The following NCBP3 variants were observed in gnomAD, a reference collection of about 807,000 sequenced individuals.
NCBP3 encodes the protein nuclear cap-binding protein subunit 3.
Under a neutral mutation model 75.7 loss-of-function variants are expected in NCBP3, and 20 were observed. The observed-to-expected ratio is 0.26, with a 90% confidence interval of 0.19 to 0.38. NCBP3 has a LOEUF of 0.38. Ranked by LOEUF, NCBP3 falls within the 10% of genes least tolerant of loss-of-function variation. The probability of loss-of-function intolerance (pLI) is 1.00; values close to 1 mark genes in which losing one functional copy is unlikely to be tolerated. For synonymous variants in NCBP3, 293 were observed against 290.5 expected, an observed-to-expected ratio of 1.01 and a Z score of -0.09; for missense variants, 678 against 796.9, an observed-to-expected ratio of 0.85 and a Z score of 1.80.
chr17:3,836,381 G>A (rs554305045), intron 3 of NCBP3, among the ~76,000 whole-genome samples: 3 of 152,172 alleles, frequency 2.0e-5, no homozygotes, highest in East Asian at 1.9e-4. Context: ...TTGGCCGGGC[G>A]CAGTGGCTCA....
intron 7 of NCBP3, chr17:3,822,638 A>G (rs1349139105): frequency 6.6e-6 from 1 of 152,270 alleles, no homozygotes; most frequent in African/African-American, 2.4e-5. Flanking sequence ...TCAAGTTGAA[A>G]TGTCAGTTAA....
chr17:3,815,708 G>A (rs900527799), intron 11 of NCBP3, among the ~76,000 whole-genome samples: 1 of 152,106 alleles, frequency 6.6e-6, no homozygotes, highest in Non-Finnish European at 1.5e-5. Context: ...CACAGGATAA[G>A]AATTTATACC....
rs560278706 is a variant in NCBP3, at chr17:3,832,491, T to C, written c.356-3123A>G. Among the ~76,000 whole-genome samples, 123 of 118,294 alleles carry C rather than the reference T, an allele frequency of 1.0e-3. 24 individuals carry two copies. Among genetic ancestry groups the C allele is most frequent in the South Asian group, 2.5e-3 (8 of 3,246 alleles). 77.6% of individuals were successfully genotyped at this position (118,294 alleles called of 152,430 possible). On this transcript the variant is annotated intron_variant, in intron 3 of 12. Transcript: ENST00000389005. The stretch of plus-strand genomic sequence containing the variant: ...TAAAAATACAAAACAATTAGCCAGG[T>C]GTGGTGGCAGGCACCTGTAGTCCCA...
intron 3 of NCBP3, among the ~76,000 whole-genome samples, chr17:3,831,898 AG>A (rs1324422625): frequency 4.1e-5 from 5 of 122,294 alleles, no homozygotes; most frequent in African/African-American, 1.2e-4. Flanking sequence ...TAAAAGCTTG[AG>A]GGGGCTGGGC....
At chr17:3,834,471 G>T (rs1389090168) in intron 3 of NCBP3, among the ~76,000 whole-genome samples, 1 of 152,170 alleles carries the variant, frequency 6.6e-6, no homozygotes, top group African/African-American at 2.4e-5. Context: ...GAGTGAACAG[G>T]CTCATCAAAA....
At chr17:3,834,344 T>G (rs2053938497) in intron 3 of NCBP3, among the ~76,000 whole-genome samples, 1 of 152,228 alleles carries the variant, frequency 6.6e-6, no homozygotes, top group Non-Finnish European at 1.5e-5. Context: ...CTGTTGACAA[T>G]GACGGGGTTT....
In NCBP3 at chr17:3,823,074, G is replaced by A. The variant is rs1009036920; in HGVS notation, c.797-1022C>T. ...CACGCCTGTAATCCCAGTACTTTGG[G>A]AGGCTGAGGCGGGCGGATCACAAGG... is the stretch of plus-strand genomic sequence containing the variant. On this transcript the variant is annotated intron_variant, in intron 7 of 12. Coordinates refer to ENST00000389005, the MANE Select transcript of NCBP3 (RefSeq NM_001114118.3). 2.6e-5 allele frequency among the ~76,000 whole-genome samples: 4 copies of A among 152,250 alleles called. No homozygotes were observed. In the East Asian group the frequency reaches 5.8e-4, roughly 22 times the overall value.
intron 11 of NCBP3, 143 bp downstream of exon 11, chr17:3,815,973 C>T: frequency 1.5e-6 from 1 of 658,030 alleles, no homozygotes; most frequent in Non-Finnish European, 2.3e-6. Flanking sequence ...CAATTTCCAA[C>T]ACCTAGCCCA....
At chr17:3,822,124 T>C (rs2053678972) in intron 7 of NCBP3, 72 bp from the exon 8 acceptor site, 3 of 1,035,412 alleles carry the variant, frequency 2.9e-6, no homozygotes, top group Non-Finnish European at 2.9e-6. Context: ...TTTTTTTTAA[T>C]GTTTTCCATA....
chr17:3,811,647 A>C lies in NCBP3; in HGVS notation c.*1397T>G, dbSNP rs1336270431. 4 of 152,388 alleles carry C rather than the reference A, an allele frequency of 2.6e-5. No homozygotes were observed. Among genetic ancestry groups the C allele is most frequent in the Admixed American group, 2.6e-4 (4 of 15,310 alleles). The allele number at this position is 152,388 out of a possible 1,614,324, so 9.4% of individuals were successfully genotyped here. A position where few individuals can be genotyped will look rare whatever the true frequency, so the allele number is the denominator to read the frequency against. ...ACCATTAGCTCCGCCACAAGTAAAG[A>C]TCGACAGGATCCAGGCTGCACTGTG... On this transcript the variant is annotated 3_prime_UTR_variant, in exon 13 of 13. Coordinates refer to ENST00000389005, the MANE Select transcript of NCBP3 (RefSeq NM_001114118.3).
intron 3 of NCBP3, among the ~76,000 whole-genome samples, chr17:3,836,453 G>C (rs1192794379): frequency 6.6e-6 from 1 of 151,978 alleles, no homozygotes; most frequent in East Asian, 1.9e-4. Context: ...AGGAGTTCAA[G>C]ACCAGCCTGG....
Position 3,832,118 on chromosome 17 carries a change from A to G in NCBP3, c.356-2750T>C, listed in dbSNP as rs2053888006. ...ATAATCACTCGAACCTGGGAGGCAG[A>G]GGTTGCAGTAAGCCGAGATTGTGCC... On this transcript the variant is annotated intron_variant, in intron 3 of 12. Transcript: ENST00000389005. 1.9e-5 allele frequency among the ~76,000 whole-genome samples: 2 copies of G among 105,236 alleles called. 1 individual carries two copies. Among genetic ancestry groups the G allele is most frequent in the Admixed American group, 2.1e-4 (2 of 9,704 alleles). 69.0% of individuals were successfully genotyped at this position (105,236 alleles called of 152,430 possible). A position where few individuals can be genotyped will look rare whatever the true frequency, so the allele number is the denominator to read the frequency against.
chr17:3,803,151 A>G lies in NCBP3; in HGVS notation c.*9893T>C, dbSNP rs2053294350. The stretch of plus-strand genomic sequence containing the variant: ...TGTTTGACAAATACACACATAACCA[A>G]AAGACATGTGAATGTGGTTTCCCAA... On this transcript the variant is annotated 3_prime_UTR_variant, in exon 13 of 13. Coordinates refer to ENST00000389005, the MANE Select transcript of NCBP3 (RefSeq NM_001114118.3). 6.6e-6 allele frequency: 1 copy of G among 152,228 alleles called. No individual in the cohort carries two copies. Among genetic ancestry groups the G allele is most frequent in the Non-Finnish European group, 1.5e-5 (1 of 68,050 alleles). The allele number at this position is 152,228 out of a possible 1,614,324, so 9.4% of individuals were successfully genotyped here.
chr17:3,816,076 A>G (rs767616971), intron 11 of NCBP3, 40 bp downstream of exon 11: 3 of 1,588,220 alleles, frequency 1.9e-6, no homozygotes, highest in South Asian at 2.3e-5. Flanking sequence ...TGCTTTCCGG[A>G]GCTCAGAATC....
In NCBP3 at chr17:3,832,617, C is replaced by T. The variant is rs1403612800; in HGVS notation, c.356-3249G>A. 3.4e-5 allele frequency among the ~76,000 whole-genome samples: 5 copies of T among 147,180 alleles called. No homozygotes were observed. The South Asian group carries it at 1.1e-3, about 32-fold the overall frequency. ...CTGCACTCCAGCCTGGGTGACAGAG[C>T]GAGAGGCCATCTCAAAAAAAAATAA... On this transcript the variant is annotated intron_variant, in intron 3 of 12. Transcript: ENST00000389005.
intron 10 of NCBP3, among the ~76,000 whole-genome samples, chr17:3,817,091 T>G (rs1038282141): frequency 6.6e-6 from 1 of 152,060 alleles, no homozygotes; most frequent in East Asian, 1.9e-4. Flanking sequence ...TTGAATGGTC[T>G]TTTCCCCTCC....
chr17:3,841,602 C>CTTTTTT (rs373561293), intron 2 of NCBP3, among the ~76,000 whole-genome samples: 102 of 117,998 alleles, frequency 8.6e-4, no homozygotes, highest in African/African-American at 3.2e-3. Flanking sequence ...AATTCTCTCT[C>CTTTTTT]TTTTTTTTTT....
chr17:3,815,190 T>A (rs2053506494), intron 11 of NCBP3, among the ~76,000 whole-genome samples: 1 of 152,200 alleles, frequency 6.6e-6, no homozygotes, highest in Admixed American at 6.5e-5. Flanking sequence ...TGTTACTTTT[T>A]TAACTCTCTA....
At chr17:3,817,514 A>G (rs543440075) in intron 10 of NCBP3, among the ~76,000 whole-genome samples, 1 of 152,288 alleles carries the variant, frequency 6.6e-6, no homozygotes, top group East Asian at 1.9e-4. Context: ...CTGTAGTCCC[A>G]GCTACTCGGG....
Sources: allele counts gnomAD v4.1 joint callset (sites outside exome capture counted in the v4.1 genomes callset), GRCh38; gene constraint gnomAD v4.1.1; transcripts MANE v1.5; gene names NCBI Gene and HGNC (gene_info 2026-07-23, HGNC 2026-07-21).